Variants in NAALADL2 observed in about 807,000 individuals in gnomAD.
NAALADL2 encodes the protein inactive N-acetylated-alpha-linked acidic dipeptidase-like protein 2.
NAALADL2 carries 76 observed loss-of-function variants against 87.2 expected under a neutral mutation model. The ratio of observed to expected loss-of-function variants is 0.87; its 90% CI spans 0.72 to 1.05. The LOEUF is 1.05. NAALADL2 is among the 50% of genes least tolerant of loss of function. The pLI, the probability that NAALADL2 is intolerant of heterozygous loss-of-function variation, is 0.00. For missense variants in NAALADL2, 1,089 were observed against 945.8 expected (o/e 1.15, Z -1.99); for synonymous variants, 354 against 331.0 (o/e 1.07, Z -0.75).
chr3:174,633,859 G>C (rs1346291743), intron 2 of NAALADL2, among the ~76,000 whole-genome samples: 2 of 152,206 alleles, frequency 1.3e-5, no homozygotes, highest in Non-Finnish European at 2.9e-5. Context: ...AGGGGAGTTA[G>C]TAGGGTGCAT....
intron 5 of NAALADL2, among the ~76,000 whole-genome samples, chr3:175,409,221 T>C (rs2149084390): frequency 6.6e-6 from 1 of 151,966 alleles, no homozygotes; most frequent in Admixed American, 6.6e-5. Context: ...TCTATAGTTG[T>C]GGAGACATGG....
At chr3:175,642,286 C>G (rs565289519) in intron 11 of NAALADL2, among the ~76,000 whole-genome samples, 1 of 152,128 alleles carries the variant, frequency 6.6e-6, no homozygotes, top group East Asian at 1.9e-4. Flanking sequence ...CTTTTTTACC[C>G]TATAAGATTT....
chr3:175,414,714 T>C (rs573457071), intron 5 of NAALADL2, among the ~76,000 whole-genome samples: 25 of 152,262 alleles, frequency 1.6e-4, no homozygotes, highest in Non-Finnish European at 3.1e-4. Flanking sequence ...AGCCAATAGG[T>C]GCAGACATAT....
At chr3:175,110,090 T>A (rs1283858649) in intron 2 of NAALADL2, among the ~76,000 whole-genome samples, 2 of 151,884 alleles carry the variant, frequency 1.3e-5, no homozygotes, top group Non-Finnish European at 2.9e-5. Flanking sequence ...TCAGTTATTG[T>A]GTTTTGGGGC....
upstream of NAALADL2, among the ~76,000 whole-genome samples, chr3:174,854,723 T>C (rs933172917): frequency 1.3e-5 from 2 of 151,686 alleles, no homozygotes; most frequent in African/African-American, 2.4e-5. Flanking sequence ...CAAAAAACTT[T>C]AAAAGAATAA....
At chr3:175,701,260 G>T (rs1042633172) in intron 11 of NAALADL2, among the ~76,000 whole-genome samples, 1 of 152,128 alleles carries the variant, frequency 6.6e-6, no homozygotes, top group Admixed American at 6.6e-5. Context: ...GGCTTTTCCT[G>T]GTTGGTCTTG....
chr3:175,013,961 G>C (rs536181409), intron 1 of NAALADL2, among the ~76,000 whole-genome samples: 5 of 152,080 alleles, frequency 3.3e-5, no homozygotes, highest in Non-Finnish European at 7.4e-5. Flanking sequence ...CATTGCATCA[G>C]TCATAGGGTC....
intron 1 of NAALADL2, among the ~76,000 whole-genome samples, chr3:175,000,808 A>G (rs894685360): frequency 4.6e-5 from 7 of 152,170 alleles, no homozygotes; most frequent in African/African-American, 1.7e-4. Context: ...ATTATAACTC[A>G]CTTAATCCTT....
intron 6 of NAALADL2, among the ~76,000 whole-genome samples, chr3:175,461,946 G>A (rs916829126): frequency 2.0e-5 from 3 of 152,120 alleles, no homozygotes; most frequent in Admixed American, 6.6e-5. Flanking sequence ...TGGGGAGAGA[G>A]GGAGGGAAGG....
chr3:174,804,688 A>G (rs1449519989), intron 3 of NAALADL2, among the ~76,000 whole-genome samples: 2 of 152,164 alleles, frequency 1.3e-5, no homozygotes, highest in African/African-American at 4.8e-5. Context: ...CTTAGACTAA[A>G]GAAAGGAATA....
chr3:174,662,766 T>C (rs1725619282), intron 2 of NAALADL2, among the ~76,000 whole-genome samples: 2 of 152,230 alleles, frequency 1.3e-5, no homozygotes, highest in Admixed American at 1.3e-4. Context: ...GTGGTGCTTA[T>C]TTACGGCCAA....
intron 12 of NAALADL2, among the ~76,000 whole-genome samples, chr3:175,751,092 T>C (rs1272981171): frequency 5.9e-5 from 9 of 152,294 alleles, no homozygotes; most frequent in African/African-American, 1.9e-4. Context: ...TGATTTTTAA[T>C]ATTTATAATA....
intron 13 of NAALADL2, among the ~76,000 whole-genome samples, chr3:175,761,827 G>T (rs778366529): frequency 6.6e-4 from 101 of 152,032 alleles, no homozygotes; most frequent in Non-Finnish European, 1.2e-3. Context: ...CAGCTCTTTC[G>T]CCCATTTTTA....
At chr3:174,987,481 A>G (rs989807204) in intron 1 of NAALADL2, among the ~76,000 whole-genome samples, 1 of 133,242 alleles carries the variant, frequency 7.5e-6, no homozygotes, top group Non-Finnish European at 1.6e-5. Flanking sequence ...AGGCAGGAGA[A>G]TGGCGTGAAC....
At chr3:174,467,403 G>T (rs1331420136) in intron 1 of NAALADL2, among the ~76,000 whole-genome samples, 3 of 151,554 alleles carry the variant, frequency 2.0e-5, no homozygotes, top group African/African-American at 7.3e-5. Flanking sequence ...GACCAGCCTG[G>T]CCAACATGGT....
intron 2 of NAALADL2, among the ~76,000 whole-genome samples, chr3:174,686,528 A>C (rs1728057123): frequency 6.6e-6 from 1 of 151,594 alleles, no homozygotes; most frequent in African/African-American, 2.4e-5. Flanking sequence ...TGGAGGCATC[A>C]TGCTACCCAC....
intron 2 of NAALADL2, among the ~76,000 whole-genome samples, chr3:174,728,014 A>G (rs1287459291): frequency 6.6e-6 from 1 of 152,072 alleles, no homozygotes; most frequent in African/African-American, 2.4e-5. Flanking sequence ...ACTAATATGT[A>G]CTTAAGGCTC....
At chr3:174,784,265 A>T (rs549911) in intron 3 of NAALADL2, among the ~76,000 whole-genome samples, 45,925 of 151,922 alleles carry the variant, frequency 0.3, 6,948 homozygotes, top group Middle Eastern at 0.34. Context: ...GGAAGTTAGG[A>T]TAGGGAAAAT....
intron 5 of NAALADL2, among the ~76,000 whole-genome samples, chr3:175,359,954 A>G (rs904489356): frequency 6.6e-6 from 1 of 152,106 alleles, no homozygotes; most frequent in Non-Finnish European, 1.5e-5. Context: ...TTTTAACTGT[A>G]TCTTTTCTCA....
Sources: allele counts gnomAD v4.1 joint callset (sites outside exome capture counted in the v4.1 genomes callset), GRCh38; gene constraint gnomAD v4.1.1; transcripts MANE v1.5; gene names NCBI Gene and HGNC (gene_info 2026-07-23, HGNC 2026-07-21).